ARHGAP15: variants seen among roughly 807,000 people sequenced by gnomAD.
ARHGAP15 encodes rho GTPase-activating protein 15.
Under a neutral mutation model 63.7 loss-of-function variants are expected in ARHGAP15, and 51 were observed. The ratio of observed to expected loss-of-function variants is 0.80; its 90% CI spans 0.64 to 1.01. The LOEUF is 1.01. ARHGAP15 is among the 50% of genes least tolerant of loss of function. ARHGAP15 has a pLI of 0.00. For missense variants in ARHGAP15, 560 were observed against 564.6 expected (o/e 0.99, Z 0.08); for synonymous variants, 191 against 193.8 (o/e 0.99, Z 0.12).
At chr2:143,542,290 C>T (rs996237927) in intron 10 of ARHGAP15, among the ~76,000 whole-genome samples, 4 of 152,108 alleles carry the variant, frequency 2.6e-5, no homozygotes, top group African/African-American at 9.7e-5. Flanking sequence ...CTTTCTTTGA[C>T]TAGGAAAGGG....
chr2:143,470,940 GTATA>G (rs1286785391), intron 8 of ARHGAP15, among the ~76,000 whole-genome samples: 1 of 143,346 alleles, frequency 7.0e-6, no homozygotes, highest in Non-Finnish European at 1.5e-5. Flanking sequence ...ATATATGTGT[GTATA>G]TACACACATG....
intron 6 of ARHGAP15, among the ~76,000 whole-genome samples, chr2:143,253,992 T>G (rs969201530): frequency 5.3e-5 from 8 of 152,140 alleles, no homozygotes; most frequent in Admixed American, 2.6e-4. Flanking sequence ...TTTGATGTAG[T>G]TCGAGAAACC....
chr2:143,203,169 C>A (rs1475259859), intron 3 of ARHGAP15, among the ~76,000 whole-genome samples: 1 of 152,212 alleles, frequency 6.6e-6, no homozygotes, highest in South Asian at 2.1e-4. Context: ...ATGTCCCATC[C>A]TTAGCACCAA....
At chr2:143,320,832 T>C (rs4606863) in intron 6 of ARHGAP15, among the ~76,000 whole-genome samples, 26,483 of 151,984 alleles carry the variant, frequency 0.17, 3,025 homozygotes, top group Non-Finnish European at 0.25. Flanking sequence ...AAAAGTGACT[T>C]TTTAAGATTC....
chr2:143,709,810 C>G (rs1375424184), intron 13 of ARHGAP15, among the ~76,000 whole-genome samples: 5 of 152,158 alleles, frequency 3.3e-5, no homozygotes, highest in South Asian at 2.1e-4. Flanking sequence ...TTCGTCCACC[C>G]TGTCTTTAAA....
intron 11 of ARHGAP15, among the ~76,000 whole-genome samples, chr2:143,610,825 T>C (rs1553512174): frequency 6.6e-6 from 1 of 152,046 alleles, no homozygotes; most frequent in African/African-American, 2.4e-5. Flanking sequence ...GCCTCCTGGA[T>C]TCAAGCAATT....
intron 12 of ARHGAP15, among the ~76,000 whole-genome samples, chr2:143,626,685 C>G (rs1403882096): frequency 6.6e-6 from 1 of 152,104 alleles, no homozygotes; most frequent in African/African-American, 2.4e-5. Flanking sequence ...CTTTTAGAAT[C>G]CTGCTGATTG....
At chr2:143,539,529 T>G (rs899923351) in intron 10 of ARHGAP15, among the ~76,000 whole-genome samples, 2 of 152,180 alleles carry the variant, frequency 1.3e-5, no homozygotes, top group African/African-American at 4.8e-5. Flanking sequence ...TGCTGTAAAT[T>G]TCCCCCTACG....
At chr2:143,164,060 A>AT (rs1690404721) in intron 2 of ARHGAP15, among the ~76,000 whole-genome samples, 1 of 151,920 alleles carries the variant, frequency 6.6e-6, no homozygotes, top group African/African-American at 2.4e-5. Context: ...CCAGAGTTTT[A>AT]TTTTTTGTTT....
intron 2 of ARHGAP15, among the ~76,000 whole-genome samples, chr2:143,172,892 T>C (rs1440832530): frequency 6.6e-6 from 1 of 152,072 alleles, no homozygotes; most frequent in African/African-American, 2.4e-5. Flanking sequence ...TGGTATTTAA[T>C]GCTACAGAAA....
Position 143,487,317 on chromosome 2 carries a change from G to A in ARHGAP15, c.704-56G>A, listed in dbSNP as rs1692368816. On this transcript the variant is annotated intron_variant, in intron 8 of 13. Coordinates refer to ENST00000295095, the MANE Select transcript of ARHGAP15 (RefSeq NM_018460.4). ...TGTTTTCTATTCAGATTTGCATAAA[G>A]TAATAATCATAAAGGAGAAATTTAC... The A allele has an allele frequency of 2.6e-6, 4 of 1,565,762 alleles. No homozygotes were observed. In the African/African-American group the frequency reaches 5.5e-5, roughly 22 times the overall value.
rs1455305185 is a variant in ARHGAP15, at chr2:143,548,359, T to C, written c.926-8049T>C. On this transcript the variant is annotated intron_variant, in intron 10 of 13. Transcript: ENST00000295095. ...TCACCTTCTTCTTAGTATATATGTA[T>C]ATACATATACATATATATTCCTTTA... Among the ~76,000 whole-genome samples the C allele has an allele frequency of 2.0e-5, 3 of 152,158 alleles. No individual in the cohort carries two copies. The East Asian group carries it at 5.8e-4, about 29-fold the overall frequency.
At chr2:143,751,773 A>G (rs1686384572) in intron 13 of ARHGAP15, among the ~76,000 whole-genome samples, 1 of 152,116 alleles carries the variant, frequency 6.6e-6, no homozygotes, top group South Asian at 2.1e-4. Context: ...CCCCATCACA[A>G]CTGGGCAACA....
chr2:143,377,039 G>A (rs972976927), intron 6 of ARHGAP15, among the ~76,000 whole-genome samples: 9 of 152,006 alleles, frequency 5.9e-5, no homozygotes, highest in African/African-American at 1.9e-4. Flanking sequence ...CTCCCTTATT[G>A]AGGAAGTACA....
At chr2:143,229,717 T>C (rs1026152565) in intron 5 of ARHGAP15, among the ~76,000 whole-genome samples, 1 of 152,214 alleles carries the variant, frequency 6.6e-6, no homozygotes, top group South Asian at 2.1e-4. Context: ...GGAAGTTCTT[T>C]GCTCTCCAGC....
At chr2:143,327,517 C>T (rs1684311085) in intron 6 of ARHGAP15, among the ~76,000 whole-genome samples, 1 of 152,150 alleles carries the variant, frequency 6.6e-6, no homozygotes. Flanking sequence ...CTACAGTTAA[C>T]AAAACAGCTT....
intron 10 of ARHGAP15, among the ~76,000 whole-genome samples, chr2:143,552,209 T>C (rs1338372930): frequency 6.6e-6 from 1 of 152,206 alleles, no homozygotes; most frequent in Non-Finnish European, 1.5e-5. Flanking sequence ...GAGGTTCAGA[T>C]GCATTTTGTT....
chr2:143,536,921 T>C (rs984687064), intron 10 of ARHGAP15, among the ~76,000 whole-genome samples: 1 of 152,238 alleles, frequency 6.6e-6, no homozygotes, highest in African/African-American at 2.4e-5. Context: ...ATGGTATTTC[T>C]AGTTCCAGAT....
At chr2:143,144,624 T>C (rs182732025) in intron 1 of ARHGAP15, among the ~76,000 whole-genome samples, 8 of 152,144 alleles carry the variant, frequency 5.3e-5, no homozygotes, top group Admixed American at 5.2e-4. Context: ...TTTTAATTAG[T>C]CTTAAGTAGA....
Sources: gnomAD v4.1 joint callset for allele counts (sites outside exome capture counted in the v4.1 genomes callset) on GRCh38, gnomAD v4.1.1 for gene constraint, MANE v1.5 for transcripts, NCBI Gene and HGNC (gene_info 2026-07-23, HGNC 2026-07-21) for gene names.